The following PDGFRL variants were observed in gnomAD, a reference collection of about 807,000 sequenced individuals.
The protein encoded by PDGFRL is platelet derived growth factor receptor like.
Under a neutral mutation model 37.2 loss-of-function variants are expected in PDGFRL, and 46 were observed. That is an observed-to-expected ratio of 1.24 (90% CI 0.98 to 1.58). The LOEUF (loss-of-function observed/expected upper bound fraction) is 1.58, where lower values mean the gene tolerates loss of function less well. PDGFRL is among the 40% of genes most tolerant of loss of function. The probability of loss-of-function intolerance (pLI) is 0.00; values close to 1 mark genes in which losing one functional copy is unlikely to be tolerated. For synonymous variants in PDGFRL, 251 were observed against 184.3 expected, an observed-to-expected ratio of 1.36 and a Z score of -2.93; for missense variants, 692 against 467.6, an observed-to-expected ratio of 1.48 and a Z score of -4.43.
intron 2 of PDGFRL, among the ~76,000 whole-genome samples, chr8:17,612,174 G>C (rs993566694): frequency 3.9e-5 from 6 of 152,200 alleles, no homozygotes; most frequent in African/African-American, 1.2e-4. Context: ...GGCCCTGCCT[G>C]TTGGAAATTC....
chr8:17,610,896 G>A (rs7837002), intron 2 of PDGFRL, among the ~76,000 whole-genome samples: 3,253 of 151,866 alleles, frequency 0.021, 119 homozygotes, highest in African/African-American at 0.073. Flanking sequence ...GGGGGACAGT[G>A]AGATTCCGTC....
At chr8:17,641,289 C>A (rs1805087157) in intron 5 of PDGFRL, among the ~76,000 whole-genome samples, 1 of 152,234 alleles carries the variant, frequency 6.6e-6, no homozygotes, top group Admixed American at 6.5e-5. Context: ...TTCACCCCCT[C>A]ACCCGAGTTC....
chr8:17,638,771 AT>A lies in PDGFRL; in HGVS notation c.940-3841del, dbSNP rs1563532499. 2.2e-4 allele frequency among the ~76,000 whole-genome samples: 23 copies of A among 104,250 alleles called. 2 individuals are homozygous for A. Among genetic ancestry groups the A allele is most frequent in the South Asian group, 8.5e-4 (3 of 3,532 alleles). 68.4% of individuals were successfully genotyped at this position (104,250 alleles called of 152,430 possible). A position where few individuals can be genotyped will look rare whatever the true frequency, so the allele number is the denominator to read the frequency against. ...TATATATATATATATATATATATAT[AT>A]ATATATATATATATAATTGTGATAT... On this transcript the variant is annotated intron_variant, in intron 5 of 5. Transcript: ENST00000251630.
chr8:17,629,666 A>T (rs138434175), intron 4 of PDGFRL, among the ~76,000 whole-genome samples: 2 of 151,968 alleles, frequency 1.3e-5, no homozygotes, highest in East Asian at 3.9e-4. Context: ...TTTTAGGGTG[A>T]CTTTGATATC....
At chr8:17,593,545 C>T (rs145333458) in intron 2 of PDGFRL, among the ~76,000 whole-genome samples, 1 of 151,386 alleles carries the variant, frequency 6.6e-6, no homozygotes, top group African/African-American at 2.4e-5. Context: ...CTGCAGTGAG[C>T]CGTGATCATA....
At chr8:17,583,818 C>CT (rs1803759416) in intron 1 of PDGFRL, among the ~76,000 whole-genome samples, 1 of 152,246 alleles carries the variant, frequency 6.6e-6, no homozygotes, top group South Asian at 2.1e-4. Flanking sequence ...CTTCTCTCTC[C>CT]ATGTGATCTC....
chr8:17,607,828 G>A (rs1804315907), intron 2 of PDGFRL, among the ~76,000 whole-genome samples: 1 of 152,212 alleles, frequency 6.6e-6, no homozygotes, highest in South Asian at 2.1e-4. Flanking sequence ...CAAGAAAAGA[G>A]GAATAAAGGA....
At position 17,637,189 on chromosome 8, in the gene PDGFRL, CAG is replaced by C. The variant is rs1278576258; in HGVS notation, c.939+2977_939+2978del. 2.6e-5 allele frequency among the ~76,000 whole-genome samples: 4 copies of C among 152,300 alleles called. No individual in the cohort carries two copies. The East Asian group carries it at 7.7e-4, about 29-fold the overall frequency. Reference sequence around the variant, plus strand: ...GGCATCCTTGTCTTGTTGCAGTTCTCAGGGGAAATGCTTTCAACTTTTTCCCA... The same window carrying C: ...GGCATCCTTGTCTTGTTGCAGTTCTCGGGAAATGCTTTCAACTTTTTCCCA... On this transcript the variant is annotated intron_variant, in intron 5 of 5. Coordinates refer to ENST00000251630, the MANE Select transcript of PDGFRL (RefSeq NM_001372073.1).
At chr8:17,579,677 C>G (rs778380053) in intron 1 of PDGFRL, among the ~76,000 whole-genome samples, 65 of 151,760 alleles carry the variant, frequency 4.3e-4, no homozygotes, top group Non-Finnish European at 7.8e-4. Flanking sequence ...CCACAACTAG[C>G]CAAAGACAGC....
chr8:17,615,579 T>C (rs900159233), intron 2 of PDGFRL, among the ~76,000 whole-genome samples: 18 of 152,166 alleles, frequency 1.2e-4, no homozygotes, highest in Non-Finnish European at 1.8e-4. Flanking sequence ...TCCAACTTAA[T>C]GTAGCTGTGA....
chr8:17,597,678 T>C (rs1466151343), intron 2 of PDGFRL, among the ~76,000 whole-genome samples: 2 of 152,190 alleles, frequency 1.3e-5, no homozygotes, highest in African/African-American at 4.8e-5. Flanking sequence ...AAAACATTCA[T>C]GGCACCCAAA....
intron 5 of PDGFRL, among the ~76,000 whole-genome samples, chr8:17,642,196 T>A (rs1331685445): frequency 1.3e-5 from 2 of 152,180 alleles, no homozygotes; most frequent in African/African-American, 4.8e-5. Context: ...TGGGTGCTTT[T>A]TCAGGCTACT....
At chr8:17,597,008 T>C (rs1475126470) in intron 2 of PDGFRL, among the ~76,000 whole-genome samples, 1 of 150,544 alleles carries the variant, frequency 6.6e-6, no homozygotes, top group African/African-American at 2.5e-5. Context: ...AACAAAGCCT[T>C]GTAGTTTTTT....
At position 17,594,857 on chromosome 8, in the gene PDGFRL, A is replaced by G. The variant is rs567598331; in HGVS notation, c.353+5092A>G. 2.6e-5 allele frequency among the ~76,000 whole-genome samples: 4 copies of G among 152,326 alleles called. No individual in the cohort carries two copies. In the South Asian group the frequency reaches 8.3e-4, roughly 32 times the overall value. On this transcript the variant is annotated intron_variant, in intron 2 of 5. Transcript: ENST00000251630. ...TGCCTGGCCTAGACTACATTTTTGT[A>G]ATCCATCATCCAGCGATAGGCATTT...
intron 5 of PDGFRL, among the ~76,000 whole-genome samples, chr8:17,637,320 T>C (rs1180536600): frequency 2.0e-5 from 3 of 152,214 alleles, no homozygotes; most frequent in Non-Finnish European, 2.9e-5. Context: ...AAATGTTTTT[T>C]GTGTGTCTGT....
intron 2 of PDGFRL, among the ~76,000 whole-genome samples, chr8:17,590,463 G>A (rs1803912752): frequency 6.6e-6 from 1 of 151,902 alleles, no homozygotes; most frequent in African/African-American, 2.4e-5. Context: ...TGTAATCCCA[G>A]CCCTTTGGGA....
rs112862568 is a variant in PDGFRL, at chr8:17,634,247, C to G, written c.939+34C>G. The G allele has an allele frequency of 7.5e-4, 1,163 of 1,555,158 alleles. 9 individuals carry two copies. In the African/African-American group the frequency reaches 0.014, roughly 18 times the overall value. On this transcript the variant is annotated intron_variant, in intron 5 of 5. Coordinates refer to ENST00000251630, the MANE Select transcript of PDGFRL (RefSeq NM_001372073.1). ...TGTACCTGCATCTCAGCCCCTGCGTCTCAGCCTCTGCATCTCAGCCAGCCA... is the reference window on the plus strand; with the variant it reads ...TGTACCTGCATCTCAGCCCCTGCGTGTCAGCCTCTGCATCTCAGCCAGCCA...
Position 17,577,226 on chromosome 8 carries a change from T to A in PDGFRL, c.-27T>A. On this transcript the variant is annotated 5_prime_UTR_variant, in exon 1 of 6. Coordinates refer to ENST00000251630, the MANE Select transcript of PDGFRL (RefSeq NM_001372073.1). ...CCGCCCCGCGCAGCCGCCGCGCTCC[T>A]GCGCTCCGAGGTCCGAGGTTCCCGA... The A allele has an allele frequency of 6.2e-7, 1 of 1,609,002 alleles. No individual in the cohort carries two copies. The highest frequency in any genetic ancestry group is 8.5e-7 in the Non-Finnish European group (1 of 1,178,118).
At chr8:17,612,048 C>T (rs1804428142) in intron 2 of PDGFRL, among the ~76,000 whole-genome samples, 1 of 152,134 alleles carries the variant, frequency 6.6e-6, no homozygotes, top group Non-Finnish European at 1.5e-5. Context: ...AGCAGAATGG[C>T]TAAGAAACAG....
Sources: allele counts gnomAD v4.1 joint callset (sites outside exome capture counted in the v4.1 genomes callset), GRCh38; gene constraint gnomAD v4.1.1; transcripts MANE v1.5; gene names NCBI Gene and HGNC (gene_info 2026-07-23, HGNC 2026-07-21).